MGST2: variants seen among roughly 807,000 people sequenced by gnomAD.
MGST2 encodes the protein glutathione peroxidase MGST2.
A neutral mutation model predicts 16.6 loss-of-function variants in MGST2; 9 were observed. That is an observed-to-expected ratio of 0.54 (90% CI 0.33 to 0.95). The LOEUF is 0.95. MGST2 is among the 40% of genes least tolerant of loss of function. The pLI, the probability that MGST2 is intolerant of heterozygous loss-of-function variation, is 0.03. For synonymous variants in MGST2, 79 were observed against 68.0 expected, an observed-to-expected ratio of 1.16 and a Z score of -0.79; for missense variants, 159 against 175.1, an observed-to-expected ratio of 0.91 and a Z score of 0.52.
intron 5 of MGST2, chr4:139,730,456 TGCC>T (rs1728657121): frequency 6.5e-7 from 1 of 1,533,844 alleles, no homozygotes; most frequent in South Asian, 1.2e-5. Flanking sequence ...CTGCTGCTGC[TGCC>T]TTTGCTCCCG....
chr4:139,746,368 G>A, the MGST2 span, among the ~76,000 whole-genome samples: 1 of 152,106 alleles, frequency 6.6e-6, no homozygotes, highest in Non-Finnish European at 1.5e-5. Context: ...GTGGTTTCAG[G>A]TAAAAACATG....
intron 4 of MGST2, 130 bp from the exon 5 acceptor site, chr4:139,703,886 C>A: frequency 8.8e-7 from 1 of 1,141,898 alleles, no homozygotes; most frequent in Non-Finnish European, 1.3e-6. Context: ...ATGTGATGAG[C>A]TAAAATTTTC....
chr4:139,701,278 G>A (rs1414996297), intron 3 of MGST2, among the ~76,000 whole-genome samples: 2 of 152,102 alleles, frequency 1.3e-5, no homozygotes, highest in Non-Finnish European at 2.9e-5. Context: ...TTCCTGAACT[G>A]TTCTCATTGG....
chr4:139,729,977 G>A (rs1728635335), intron 5 of MGST2, among the ~76,000 whole-genome samples: 3 of 152,168 alleles, frequency 2.0e-5, no homozygotes, highest in Non-Finnish European at 4.4e-5. Context: ...CCATTCTATA[G>A]AATTCTTCTC....
chr4:139,750,661 T>C, the MGST2 span, among the ~76,000 whole-genome samples: 6 of 152,192 alleles, frequency 3.9e-5, no homozygotes, highest in Non-Finnish European at 8.8e-5. Flanking sequence ...CTGATAAAAA[T>C]ATAAATTTAA....
At chr4:139,748,053 T>A in the MGST2 span, among the ~76,000 whole-genome samples, 1 of 95,534 alleles carries the variant, frequency 1.0e-5, no homozygotes, top group African/African-American at 4.0e-5. Context: ...AGACTTCGTC[T>A]AAAAAAAAAA....
At chr4:139,691,694 G>GATTATTATTATTATT (rs1491509102) in intron 2 of MGST2, among the ~76,000 whole-genome samples, 1 of 130,712 alleles carries the variant, frequency 7.7e-6, no homozygotes, top group African/African-American at 3.5e-5. Flanking sequence ...TGATGATGAT[G>GATTATTATTATTATT]ATGATTATTA....
At chr4:139,693,978 CA>C in intron 2 of MGST2, among the ~76,000 whole-genome samples, 1 of 152,204 alleles carries the variant, frequency 6.6e-6, no homozygotes, top group South Asian at 2.1e-4. Context: ...CTACCTCAGC[CA>C]TGTCTTTCTG....
chr4:139,673,534 G>A (rs977245501), intron 1 of MGST2, among the ~76,000 whole-genome samples: 7 of 152,146 alleles, frequency 4.6e-5, no homozygotes, highest in Admixed American at 2.6e-4. Flanking sequence ...AGCCTCCTAA[G>A]TAGCTGGAAC....
intron 5 of MGST2, among the ~76,000 whole-genome samples, chr4:139,729,328 G>A (rs1175817976): frequency 2.0e-5 from 3 of 152,062 alleles, no homozygotes; most frequent in Non-Finnish European, 4.4e-5. Flanking sequence ...TAGTAAATTT[G>A]CAAAATTCTG....
chr4:139,692,688 T>C (rs1334779314), intron 2 of MGST2, among the ~76,000 whole-genome samples: 2 of 152,238 alleles, frequency 1.3e-5, no homozygotes, highest in African/African-American at 2.4e-5. Flanking sequence ...GTTCCCTAGC[T>C]TGTGAGGGCA....
At chr4:139,741,210 C>T (rs1165493138), downstream of MGST2, among the ~76,000 whole-genome samples, 1 of 152,126 alleles carries the variant, frequency 6.6e-6, no homozygotes, top group Non-Finnish European at 1.5e-5. Context: ...GGGATTGGTA[C>T]TTCTCCTTAT....
At chr4:139,718,179 C>T (rs1309088542) in intron 5 of MGST2, 1 of 152,220 alleles carries the variant, frequency 6.6e-6, no homozygotes, top group African/African-American at 2.4e-5. Flanking sequence ...TCAGATGTGG[C>T]TCACAAAAAA....
chr4:139,702,642 TAAAC>T (rs1306289634), intron 3 of MGST2, among the ~76,000 whole-genome samples: 2 of 152,136 alleles, frequency 1.3e-5, no homozygotes, highest in Non-Finnish European at 2.9e-5. Context: ...TGAACATTCT[TAAAC>T]AAGTCCTTTT....
intron 1 of MGST2, among the ~76,000 whole-genome samples, chr4:139,671,535 A>T (rs1051548100): frequency 5.9e-5 from 9 of 151,794 alleles, no homozygotes; most frequent in Admixed American, 2.6e-4. Flanking sequence ...GTGTGATCTC[A>T]GCTCAACTGC....
chr4:139,668,613 G>C (rs72728776), intron 1 of MGST2, among the ~76,000 whole-genome samples: 24,256 of 143,092 alleles, frequency 0.17, 2,230 homozygotes, highest in East Asian at 0.39. Context: ...GAGAGAGAGA[G>C]AGGAGGGGGA....
In MGST2 at chr4:139,702,844, G is replaced by GTTTTTTTTTTTTTTTT. The variant is rs70943436; in HGVS notation, c.230-600_230-585dup. Among the ~76,000 whole-genome samples the GTTTTTTTTTTTTTTTT allele has an allele frequency of 4.1e-3, 189 of 46,418 alleles. 16 individuals carry two copies. The highest frequency in any genetic ancestry group is 6.6e-3 in the Non-Finnish European group (148 of 22,440). The allele number at this position is 46,418 out of a possible 152,430, so 30.5% of individuals were successfully genotyped here. A position where few individuals can be genotyped will look rare whatever the true frequency, so the allele number is the denominator to read the frequency against. On this transcript the variant is annotated intron_variant, in intron 3 of 4. Transcript: ENST00000265498. The stretch of plus-strand genomic sequence containing the variant: ...TCCTCACCAACATTTTGTGTTACTG[G>GTTTTTTTTTTTTTTTT]TTTTTTTTTTTTTTTTTTTTTTTTT...
intron 1 of MGST2, among the ~76,000 whole-genome samples, chr4:139,667,443 G>T (rs913931730): frequency 1.3e-5 from 2 of 149,060 alleles, no homozygotes; most frequent in African/African-American, 5.0e-5. Flanking sequence ...TGCTGCTTGT[G>T]CAGGGGGCTG....
At chr4:139,672,258 A>G (rs986990782) in intron 1 of MGST2, among the ~76,000 whole-genome samples, 2 of 152,238 alleles carry the variant, frequency 1.3e-5, no homozygotes, top group Non-Finnish European at 2.9e-5. Flanking sequence ...TCATAAGTCT[A>G]GGAGCACATA....
Sources: allele counts gnomAD v4.1 joint callset (sites outside exome capture counted in the v4.1 genomes callset), GRCh38; gene constraint gnomAD v4.1.1; transcripts MANE v1.5; gene names NCBI Gene and HGNC (gene_info 2026-07-23, HGNC 2026-07-21).